Variants in VWF observed in about 807,000 individuals in gnomAD.
VWF encodes Factor VIII related antigen.
Under a neutral mutation model 308.6 loss-of-function variants are expected in VWF, and 176 were observed. The observed-to-expected ratio is 0.57, with a 90% CI of 0.50 to 0.65. The LOEUF (loss-of-function observed/expected upper bound fraction) is 0.65, where lower values mean the gene tolerates loss of function less well. Among genes scored for constraint, VWF ranks in the 30% least tolerant of loss-of-function variants. The pLI is 0.00. For missense variants in VWF, 3,146 were observed against 3,648.2 expected, an observed-to-expected ratio of 0.86 and a Z score of 3.55; for synonymous variants, 1,385 against 1,443.4, an observed-to-expected ratio of 0.96 and a Z score of 0.92.
intron 5 of VWF, among the ~76,000 whole-genome samples, chr12:6,107,120 TCTC>T (rs1565392585): frequency 1.3e-5 from 2 of 152,112 alleles, no homozygotes; most frequent in East Asian, 3.9e-4. Context: ...TGGATTAACC[TCTC>T]ACGGACCATG....
rs192423230 is a variant in VWF at position 6,100,435 on chromosome 12, A to G, written c.533-4851T>C. 3.1e-3 allele frequency among the ~76,000 whole-genome samples: 461 copies of G among 150,376 alleles called. 10 individuals carry two copies. The highest frequency in any genetic ancestry group is 0.011 in the African/African-American group (423 of 39,828). ...ACAAATCATGCTGCTATAAAGACAC[A>G]TGCACACGTGTGTTTATTGCGGCAC... is the stretch of plus-strand genomic sequence containing the variant. On this transcript the variant is annotated intron_variant, in intron 5 of 51. Coordinates refer to ENST00000261405, the MANE Select transcript of VWF (RefSeq NM_000552.5).
intron 42 of VWF, among the ~76,000 whole-genome samples, chr12:5,978,657 G>A (rs1943558671): frequency 6.6e-6 from 1 of 152,122 alleles, no homozygotes; most frequent in African/African-American, 2.4e-5. Flanking sequence ...AAAAATCAAG[G>A]AAGTAAAGTC....
chr12:6,090,651 A>C (rs4764536), intron 6 of VWF, among the ~76,000 whole-genome samples: 29 of 67,254 alleles, frequency 4.3e-4, no homozygotes, highest in South Asian at 9.4e-4. Flanking sequence ...CCTCCTCCTC[A>C]TCATCATCAT....
intron 18 of VWF, among the ~76,000 whole-genome samples, chr12:6,037,909 C>G (rs969103259): frequency 6.6e-6 from 1 of 152,078 alleles, no homozygotes; most frequent in Non-Finnish European, 1.5e-5. Context: ...TGTGTTGGGG[C>G]GGTTGGGGGG....
At chr12:5,998,480 AAAAAAAAAAAAAAAAAAAAT>A (rs1286781564) in intron 34 of VWF, among the ~76,000 whole-genome samples, 3 of 54,524 alleles carry the variant, frequency 5.5e-5, no homozygotes, top group African/African-American at 9.0e-5. Flanking sequence ...AAAAAAAAAA[AAAAAAAAAAAAAAAAAAAAT>A]ATATATATAT....
chr12:6,053,868 A>G (rs933726627), intron 15 of VWF, among the ~76,000 whole-genome samples: 10 of 152,220 alleles, frequency 6.6e-5, no homozygotes, highest in Admixed American at 5.9e-4. Flanking sequence ...CGGTCCCAAG[A>G]AGGAAGGAGT....
chr12:5,949,318 T>A, intron 51 of VWF, 115 bp from the exon 52 acceptor site: 1 of 1,104,164 alleles, frequency 9.1e-7, no homozygotes, highest in Non-Finnish European at 1.3e-6. Context: ...GCAGGTCTGA[T>A]CTCACCCAGA....
Position 6,103,560 on chromosome 12 carries a change from A to ATATATG in VWF, c.532+6813_532+6814insCATATA, listed in dbSNP as rs1945208522. On this transcript the variant is annotated intron_variant, in intron 5 of 51. Coordinates refer to ENST00000261405, the MANE Select transcript of VWF (RefSeq NM_000552.5). The stretch of plus-strand genomic sequence containing the variant: ...CATATATGTATACACACACACACAC[A>ATATATG]CACACACACACACACACACACACAG... Among the ~76,000 whole-genome samples, 2 of 116,442 alleles carry ATATATG rather than the reference A, an allele frequency of 1.7e-5. 1 individual carries two copies. Among genetic ancestry groups the ATATATG allele is most frequent in the African/African-American group, 1.4e-4 (2 of 14,574 alleles). 76.4% of individuals were successfully genotyped at this position (116,442 alleles called of 152,430 possible). A position where few individuals can be genotyped will look rare whatever the true frequency, so the allele number is the denominator to read the frequency against.
chr12:6,079,956 T>TC (rs1382321131), intron 6 of VWF, among the ~76,000 whole-genome samples: 1 of 151,594 alleles, frequency 6.6e-6, no homozygotes, highest in Non-Finnish European at 1.5e-5. Flanking sequence ...AGCAAACAGA[T>TC]CCCCCTCATA....
chr12:5,985,081 G>A lies in VWF; in HGVS notation c.6940C>T (p.Gln2314Ter), dbSNP rs1454935692. Reference sequence around the variant, plus strand: ...TCGGGGCAGCACTGGTCTGCATTCTGGCGGAGGCGGGCTACTTCACACAGG... The same window carrying A: ...TCGGGGCAGCACTGGTCTGCATTCTAGCGGAGGCGGGCTACTTCACACAGG... Reference protein sequence around the residue: ...CGLCEVARLRQNADQCCPEYE... With the variant: ...CGLCEVARLR The change falls in exon 40 of 52, where the codon CAG becomes TAG. Residue 2314 changes from glutamine (Q) to a stop codon, truncating the protein, a stop_gained. Transcript: ENST00000261405. LOFTEE classifies it high-confidence loss of function. 1.2e-6 allele frequency: 2 copies of A among 1,614,202 alleles called. No homozygotes were observed. The highest frequency in any genetic ancestry group is 4.5e-5 in the East Asian group (2 of 44,868).
At chr12:5,965,223 T>A (rs1173611721) in intron 47 of VWF, among the ~76,000 whole-genome samples, 1 of 152,162 alleles carries the variant, frequency 6.6e-6, no homozygotes, top group Non-Finnish European at 1.5e-5. Flanking sequence ...AGAGTTCACT[T>A]GTTTAGGTCT....
chr12:5,963,518 G>C (rs1224976303), intron 47 of VWF, among the ~76,000 whole-genome samples: 1 of 152,190 alleles, frequency 6.6e-6, no homozygotes, highest in African/African-American at 2.4e-5. Flanking sequence ...GAAGTAACTG[G>C]AACTCCCATA....
intron 50 of VWF, among the ~76,000 whole-genome samples, chr12:5,951,010 T>A (rs1943184397): frequency 6.6e-6 from 1 of 152,212 alleles, no homozygotes; most frequent in African/African-American, 2.4e-5. Flanking sequence ...AAAGTATTCA[T>A]GTTTTCACTC....
chr12:6,103,634 A>G lies in VWF; in HGVS notation c.532+6740T>C, dbSNP rs1001339786. Among the ~76,000 whole-genome samples, 3 of 151,868 alleles carry G rather than the reference A, an allele frequency of 2.0e-5. No individual in the cohort carries two copies. In the East Asian group the frequency reaches 5.8e-4, roughly 29 times the overall value. On this transcript the variant is annotated intron_variant, in intron 5 of 51. Coordinates refer to ENST00000261405, the MANE Select transcript of VWF (RefSeq NM_000552.5). The stretch of plus-strand genomic sequence containing the variant: ...CAGAGATAGAGCCAGTTGATATTTG[A>G]CAAAGCTGACAAGAATATATACTAG...
chr12:5,963,301 A>G lies in VWF; in HGVS notation c.7887+4185T>C, dbSNP rs985620785. Among the ~76,000 whole-genome samples, 5 of 152,376 alleles carry G rather than the reference A, an allele frequency of 3.3e-5. No individual in the cohort carries two copies. The South Asian group carries it at 6.2e-4, about 19-fold the overall frequency. ...AAAGGGCAAACAACCCAATTTAAAA[A>G]TGGCCAAAAGCTTGAACAAACACAT... is the stretch of plus-strand genomic sequence containing the variant. On this transcript the variant is annotated intron_variant, in intron 47 of 51. Coordinates refer to ENST00000261405, the MANE Select transcript of VWF (RefSeq NM_000552.5).
At chr12:6,010,516 C>T (rs1943981987) in intron 34 of VWF, among the ~76,000 whole-genome samples, 1 of 152,106 alleles carries the variant, frequency 6.6e-6, no homozygotes, top group Admixed American at 6.5e-5. Context: ...AGGAATCTAC[C>T]CTGAAGACAC....
chr12:6,100,851 C>T (rs1945154772), intron 5 of VWF, among the ~76,000 whole-genome samples: 1 of 151,956 alleles, frequency 6.6e-6, no homozygotes, highest in South Asian at 2.1e-4. Context: ...ATGTAACTAA[C>T]CTGCACATTG....
chr12:5,950,514 T>TCACC (rs1943176568), intron 50 of VWF, among the ~76,000 whole-genome samples: 1 of 152,158 alleles, frequency 6.6e-6, no homozygotes, highest in African/African-American at 2.4e-5. Flanking sequence ...TAATCCCAGC[T>TCACC]CACCATTCCA....
In VWF at chr12:5,991,891, G is replaced by T; in HGVS notation, c.6726C>A (p.Val2242=). Residue 2242 remains valine (V), a synonymous_variant, in exon 38 of 52, where the codon GTC becomes GTA. Coordinates refer to ENST00000261405, the MANE Select transcript of VWF (RefSeq NM_000552.5). Reference sequence around the variant, plus strand: ...CAGGGACACAGCTGCCTTCCAACATGACTTTATCTGGAGGGCAGAAACAGC... The same window carrying T: ...CAGGGACACAGCTGCCTTCCAACATTACTTTATCTGGAGGGCAGAAACAGC... ...SEGCFCPPDK[V]MLEGSCVPEE... is the part of the protein sequence containing the mutation. 1 of 1,614,222 alleles carries T rather than the reference G, an allele frequency of 6.2e-7. No homozygotes were observed. The highest frequency in any genetic ancestry group is 8.5e-7 in the Non-Finnish European group (1 of 1,180,044).
Sources: allele counts gnomAD v4.1 joint callset (sites outside exome capture counted in the v4.1 genomes callset), GRCh38; gene constraint gnomAD v4.1.1; transcripts MANE v1.5; gene names NCBI Gene and HGNC (gene_info 2026-07-23, HGNC 2026-07-21).